TIA1: variants seen among roughly 807,000 people sequenced by gnomAD.
TIA1 encodes the protein TIA1 cytotoxic granule associated RNA binding protein.
A neutral mutation model predicts 65.9 loss-of-function variants in TIA1; 23 were observed. The ratio of observed to expected loss-of-function variants is 0.35; its 90% CI spans 0.25 to 0.49. The LOEUF (loss-of-function observed/expected upper bound fraction) is 0.49. TIA1 is among the 20% of genes least tolerant of loss of function. The probability of loss-of-function intolerance (pLI) is 0.98; values close to 1 mark genes in which losing one functional copy is unlikely to be tolerated. For synonymous variants in TIA1, 147 were observed against 149.4 expected (o/e 0.98, Z 0.12); for missense variants, 371 against 477.9 (o/e 0.78, Z 2.09).
At chr2:70,235,037 C>G (rs1201245336) in intron 2 of TIA1, among the ~76,000 whole-genome samples, 1 of 151,080 alleles carries the variant, frequency 6.6e-6, no homozygotes, top group Non-Finnish European at 1.5e-5. Context: ...TCAAGACAAA[C>G]AAACAAACAA....
chr2:70,245,761 T>TCTCTAA (rs1200189950), intron 1 of TIA1, among the ~76,000 whole-genome samples: 3 of 152,236 alleles, frequency 2.0e-5, no homozygotes, highest in Admixed American at 6.5e-5. Flanking sequence ...ATACTGGTAT[T>TCTCTAA]CTCTAACTTA....
At chr2:70,216,661 T>C in intron 8 of TIA1, 162 bp from the exon 9 acceptor site, 4 of 1,380,308 alleles carry the variant, frequency 2.9e-6, no homozygotes, top group Non-Finnish European at 1.9e-6. Flanking sequence ...CCCCCACGAA[T>C]GTCTAAAAAA....
At chr2:70,234,547 A>ACAAATCAAAT (rs1205490703) in intron 2 of TIA1, among the ~76,000 whole-genome samples, 1 of 152,196 alleles carries the variant, frequency 6.6e-6, no homozygotes, top group East Asian at 1.9e-4. Context: ...ATCTAAGACA[A>ACAAATCAAAT]CAAATCAAAG....
At chr2:70,224,461 A>G in intron 7 of TIA1, 93 bp downstream of exon 7, 1 of 1,553,338 alleles carries the variant, frequency 6.4e-7, no homozygotes, top group Admixed American at 1.8e-5. Context: ...TCAGTAAAAT[A>G]AACAGCAGAC....
chr2:70,233,051 A>G (rs1187234898), intron 2 of TIA1, among the ~76,000 whole-genome samples: 1 of 152,226 alleles, frequency 6.6e-6, no homozygotes, highest in Non-Finnish European at 1.5e-5. Context: ...ATAGCCTCCT[A>G]AACAGATTTG....
intron 1 of TIA1, among the ~76,000 whole-genome samples, chr2:70,236,387 C>T (rs1015260297): frequency 1.3e-5 from 2 of 151,830 alleles, no homozygotes; most frequent in Non-Finnish European, 2.9e-5. Flanking sequence ...TTAGTAGAGA[C>T]GGGGTTTCTC....
chr2:70,216,048 G>A (rs977371109), intron 10 of TIA1, 160 bp downstream of exon 10: 9 of 688,910 alleles, frequency 1.3e-5, no homozygotes, highest in Admixed American at 6.6e-5. Context: ...CACCGCACCC[G>A]GCCAAAATTT....
At chr2:70,230,657 A>AAC (rs1212029283) in intron 3 of TIA1, 99 bp downstream of exon 3, 2 of 1,019,534 alleles carry the variant, frequency 2.0e-6, no homozygotes, top group Non-Finnish European at 2.8e-6. Context: ...CATCTCAAAA[A>AAC]AAAAAAAAAA....
At chr2:70,229,002 T>C in intron 5 of TIA1, 57 bp downstream of exon 5, 1 of 1,192,176 alleles carries the variant, frequency 8.4e-7, no homozygotes, top group Non-Finnish European at 1.1e-6. Flanking sequence ...AAACTTCAGG[T>C]GGTTAGTGAA....
At chr2:70,221,019 A>T (rs113434280) in intron 7 of TIA1, among the ~76,000 whole-genome samples, 119 of 151,902 alleles carry the variant, frequency 7.8e-4, no homozygotes, top group African/African-American at 2.7e-3. Flanking sequence ...ATATATATAT[A>T]TTTTTGAGAC....
At chr2:70,225,146 G>T in intron 6 of TIA1, 1 of 1,022,306 alleles carries the variant, frequency 9.8e-7, no homozygotes, top group African/African-American at 1.7e-5. Context: ...TAAATTTTGA[G>T]AACTTGACAT....
In TIA1 at chr2:70,230,769, T is replaced by A. The variant is rs1685916767; in HGVS notation, c.209A>T (p.Lys70Met). 6.2e-7 allele frequency: 1 copy of A among 1,607,600 alleles called. No individual in the cohort carries two copies. ...AAALAAMNGR[K>M]IMGKEVKVNW... Reference sequence around the variant, plus strand: ...ACGACAGCTTACCTTACCCATTATCTTCCGTCCATTCATAGCAGCTAATGC... The same window carrying A: ...ACGACAGCTTACCTTACCCATTATCATCCGTCCATTCATAGCAGCTAATGC... Residue 70 changes from lysine to methionine, a missense_variant, in exon 3 of 13, where the codon AAG becomes ATG. Coordinates refer to ENST00000433529, the MANE Select transcript of TIA1 (RefSeq NM_022173.4).
At chr2:70,214,585 G>A (rs927008559) in intron 11 of TIA1, 91 bp from the exon 12 acceptor site, 8 of 974,644 alleles carry the variant, frequency 8.2e-6, no homozygotes, top group Non-Finnish European at 1.1e-5. Context: ...AAAACACACA[G>A]GGCCATCATT....
intron 5 of TIA1, among the ~76,000 whole-genome samples, chr2:70,228,025 C>T (rs934010095): frequency 2.0e-4 from 31 of 152,192 alleles, no homozygotes; most frequent in South Asian, 6.2e-4. Flanking sequence ...TCTCCTGAAA[C>T]GACTGTGATA....
chr2:70,220,643 T>A lies in TIA1; in HGVS notation c.475-3649A>T, dbSNP rs573041416. 2.0e-5 allele frequency among the ~76,000 whole-genome samples: 3 copies of A among 152,142 alleles called. No homozygotes were observed. The South Asian group carries it at 6.2e-4, about 32-fold the overall frequency. Reference sequence around the variant, plus strand: ...GCCTCCAAAACATTGAGAAAATAAATTTTTGTTGCTCTAAGCCATCCAGTT... The same window carrying A: ...GCCTCCAAAACATTGAGAAAATAAAATTTTGTTGCTCTAAGCCATCCAGTT... On this transcript the variant is annotated intron_variant, in intron 7 of 12. Transcript: ENST00000433529.
intron 1 of TIA1, among the ~76,000 whole-genome samples, chr2:70,242,329 C>T (rs920444031): frequency 1.3e-5 from 2 of 151,520 alleles, no homozygotes; most frequent in African/African-American, 2.4e-5. Context: ...CTCAGGAGTT[C>T]GAGATCAGCC....
chr2:70,226,820 T>C (rs76585375), intron 6 of TIA1, among the ~76,000 whole-genome samples: 1,833 of 152,268 alleles, frequency 0.012, 40 homozygotes, highest in African/African-American at 0.042. Context: ...TTATAAGCCC[T>C]AATTCTGTGA....
intron 6 of TIA1, among the ~76,000 whole-genome samples, chr2:70,226,258 T>C (rs1365326821): frequency 2.0e-5 from 3 of 152,100 alleles, no homozygotes; most frequent in African/African-American, 7.2e-5. Flanking sequence ...CCACGATTTG[T>C]AAATCATGAA....
intron 6 of TIA1, among the ~76,000 whole-genome samples, chr2:70,227,117 G>A (rs879585663): frequency 1.3e-5 from 2 of 151,998 alleles, no homozygotes; most frequent in African/African-American, 4.8e-5. Context: ...CTCTAATATG[G>A]CATGCTTTTC....
Sources: gnomAD v4.1 joint callset for allele counts (sites outside exome capture counted in the v4.1 genomes callset) on GRCh38, gnomAD v4.1.1 for gene constraint, MANE v1.5 for transcripts, NCBI Gene and HGNC (gene_info 2026-07-23, HGNC 2026-07-21) for gene names.